The following TMEM59L variants were observed in gnomAD, a reference collection of about 807,000 sequenced individuals.
TMEM59L encodes the protein transmembrane protein 59-like.
A neutral mutation model predicts 39.6 loss-of-function variants in TMEM59L; 31 were observed. The observed-to-expected ratio is 0.78, with a 90% CI of 0.59 to 1.06. The LOEUF is 1.06. TMEM59L is among the 50% of genes least tolerant of loss of function. The probability of loss-of-function intolerance (pLI) is 0.00; values close to 1 mark genes in which losing one functional copy is unlikely to be tolerated. For missense variants in TMEM59L, 441 were observed against 451.3 expected (o/e 0.98, Z 0.21); for synonymous variants, 219 against 202.9 (o/e 1.08, Z -0.68).
chr19:18,617,478 T>A (rs1200291847), intron 5 of TMEM59L: 1 of 466,590 alleles, frequency 2.1e-6, no homozygotes, highest in Admixed American at 2.3e-5. Context: ...CTCCCAGGGA[T>A]CCATGGTTCA....
chr19:18,616,824 G>A (rs1976432959), intron 4 of TMEM59L, among the ~76,000 whole-genome samples, 176 bp from the exon 5 acceptor site: 1 of 152,154 alleles, frequency 6.6e-6, no homozygotes, highest in African/African-American at 2.4e-5. Context: ...TGGGGTTAAG[G>A]CAAATGGAGG....
Position 18,620,428 on chromosome 19 carries a change from C to T in TMEM59L, c.921C>T (p.His307=), listed in dbSNP as rs1976482913. The T allele has an allele frequency of 1.9e-6, 3 of 1,613,114 alleles. No individual in the cohort carries two copies. Among genetic ancestry groups the T allele is most frequent in the Admixed American group, 1.7e-5 (1 of 59,996 alleles). ...TGCAGCCTCTGACCCTGGAGCAGCA[C>T]AAGGGCTTCATGATGGAGCCCGATT... ...LKFQPLTLEQ[H]KGFMMEPDWP... The change falls in exon 8 of 8, where the codon CAC becomes CAT. Residue 307 remains histidine, a synonymous_variant. Coordinates refer to ENST00000262817, the MANE Select transcript of TMEM59L (RefSeq NM_012109.3).
intron 4 of TMEM59L, 117 bp downstream of exon 4, chr19:18,616,244 C>A (rs2145349000): frequency 1.6e-6 from 2 of 1,263,818 alleles, no homozygotes; most frequent in Non-Finnish European, 2.2e-6. Flanking sequence ...GAGCTTCAGG[C>A]ACAGCTGGAT....
rs1367059612 is a variant in TMEM59L, at chr19:18,620,408, C to T, written c.901C>T (p.Pro301Ser). Residue 301 changes from proline to serine, a missense_variant and splice_region_variant, in exon 8 of 8, where the codon CCT becomes TCT. By Grantham distance (74) the Pro-to-Ser change is moderately conservative. Coordinates refer to ENST00000262817, the MANE Select transcript of TMEM59L (RefSeq NM_012109.3). Reference sequence around the variant, plus strand: ...TCCCTCCTCCCCTCTCTTCCTGCAGCCTCTGACCCTGGAGCAGCACAAGGG... The same window carrying T: ...TCCCTCCTCCCCTCTCTTCCTGCAGTCTCTGACCCTGGAGCAGCACAAGGG... Reference protein sequence around the residue: ...TAPGQHLKFQPLTLEQHKGFM... With the variant: ...TAPGQHLKFQSLTLEQHKGFM... 6.2e-7 allele frequency: 1 copy of T among 1,610,752 alleles called. No homozygotes were observed. Among genetic ancestry groups the T allele is most frequent in the Non-Finnish European group, 8.5e-7 (1 of 1,178,626 alleles).
chr19:18,620,526 C>G lies in TMEM59L; in HGVS notation c.1019C>G (p.Thr340Ser), dbSNP rs762672930. 1 of 1,613,526 alleles carries G rather than the reference C, an allele frequency of 6.2e-7. No homozygotes were observed. Among genetic ancestry groups the G allele is most frequent in the Non-Finnish European group, 8.5e-7 (1 of 1,179,940 alleles). Reference sequence around the variant, plus strand: ...CCCTACAAGCTGAAGCTGGACCTGACCAAGCTGTAGGCCTCCACTGGCCCC... The same window carrying G: ...CCCTACAAGCTGAAGCTGGACCTGAGCAAGCTGTAGGCCTCCACTGGCCCC... ...LPPYKLKLDL[T>S]KL Residue 340 changes from threonine to serine, a missense_variant, in exon 8 of 8, where the codon ACC (threonine) becomes AGC (serine). By Grantham distance (58) the Thr-to-Ser change is moderately conservative. Transcript: ENST00000262817.
At position 18,613,055 on chromosome 19, in the gene TMEM59L, GC is replaced by G; in HGVS notation, c.103del (p.Gln35SerfsTer39). ...CGCGCCGTCCGCCCGCGATCCCTTC[GC>G]CCCCCAGCTCGGGGACACGCAGAAC... is the stretch of plus-strand genomic sequence containing the variant. Reference protein sequence around the residue: ...ASAPSARDPFAPQLGDTQNCQ... With the variant: ...ASAPSARDPFXPQLGDTQNCQ... On this transcript the variant is annotated frameshift_variant, in exon 1 of 8. Transcript: ENST00000262817. LOFTEE classifies it high-confidence loss of function. The G allele has an allele frequency of 6.5e-6, 9 of 1,387,380 alleles. No individual in the cohort carries two copies. Among genetic ancestry groups the G allele is most frequent in the South Asian group, 3.2e-5 (2 of 62,904 alleles). The allele number at this position is 1,387,380 out of a possible 1,614,324, so 85.9% of individuals were successfully genotyped here.
At chr19:18,616,676 A>C (rs1976431549) in intron 4 of TMEM59L, among the ~76,000 whole-genome samples, 1 of 152,222 alleles carries the variant, frequency 6.6e-6, no homozygotes, top group Non-Finnish European at 1.5e-5. Flanking sequence ...TACAGGCATG[A>C]GCCACTGCCC....
At chr19:18,620,297 C>T (rs1976480987) in intron 7 of TMEM59L, 111 bp from the exon 8 acceptor site, 3 of 1,162,280 alleles carry the variant, frequency 2.6e-6, no homozygotes, top group Non-Finnish European at 3.5e-6. Context: ...GAGAGACTCT[C>T]TCAAAAAAAG....
chr19:18,613,946 C>T lies in TMEM59L; in HGVS notation c.246C>T (p.Arg82=), dbSNP rs769135949. The part of the protein sequence containing the change: ...VLISACERGC[R]LFSICRFVAR... ...TCAGCGCTTGCGAGCGTGGCTGCCG[C>T]CTCTTCTCCATCTGCCGATTTGTGG... is the stretch of plus-strand genomic sequence containing the variant. Residue 82 remains arginine (R), a synonymous_variant, in exon 2 of 8, where the codon CGC becomes CGT. Transcript: ENST00000262817. The T allele has an allele frequency of 8.7e-6, 14 of 1,613,262 alleles. No individual in the cohort carries two copies. In the Admixed American group the frequency reaches 2.3e-4, roughly 27 times the overall value.
Position 18,618,218 on chromosome 19 carries a change from C to T in TMEM59L, c.728C>T (p.Ala243Val), listed in dbSNP as rs201231250. 3.8e-4 allele frequency: 620 copies of T among 1,611,708 alleles called. 4 individuals carry two copies. In the East Asian group the frequency reaches 0.011, roughly 29 times the overall value. ...AKIRVKTSSK[A>V]KVESEEPQDN... is the part of the protein sequence containing the mutation. ...ATCCGAGTCAAGACCAGCAGCAAGG[C>T]CAAGGTGGAGTCTGAAGAGCCACAG... Residue 243 changes from alanine (A) to valine (V), a missense_variant, in exon 6 of 8, where the codon GCC (alanine) becomes GTC (valine). Ala to Val is a moderately conservative substitution (Grantham distance 64). Coordinates refer to ENST00000262817, the MANE Select transcript of TMEM59L (RefSeq NM_012109.3).
intron 7 of TMEM59L, 52 bp downstream of exon 7, chr19:18,618,544 G>A (rs773238939): frequency 3.3e-5 from 51 of 1,547,812 alleles, no homozygotes; most frequent in Non-Finnish European, 4.5e-5. Context: ...TGAAGGCAGA[G>A]AGAGCTGTTT....
chr19:18,620,423 C>T lies in TMEM59L; in HGVS notation c.916C>T (p.Gln306Ter). The change falls in exon 8 of 8, where the codon CAG becomes TAG. Residue 306 changes from glutamine to a stop codon, truncating the protein, a stop_gained. Coordinates refer to ENST00000262817, the MANE Select transcript of TMEM59L (RefSeq NM_012109.3). LOFTEE classifies it high-confidence loss of function. ...CTTCCTGCAGCCTCTGACCCTGGAGCAGCACAAGGGCTTCATGATGGAGCC... is the reference window on the plus strand; with the variant it reads ...CTTCCTGCAGCCTCTGACCCTGGAGTAGCACAAGGGCTTCATGATGGAGCC... ...HLKFQPLTLEQHKGFMMEPDW... is the reference protein window; with the variant it reads ...HLKFQPLTLE 6.2e-7 allele frequency: 1 copy of T among 1,612,688 alleles called. No individual in the cohort carries two copies. The highest frequency in any genetic ancestry group is 8.5e-7 in the Non-Finnish European group (1 of 1,179,652).
At position 18,618,476 on chromosome 19, in the gene TMEM59L, A is replaced by G. The variant is rs751455728; in HGVS notation, c.884A>G (p.Gln295Arg). Reference sequence around the variant, plus strand: ...TCCACCCTGGTGACCGCGCCTGGCCAGCACCTCAAGTTCCAGGTGGGTGGG... The same window carrying G: ...TCCACCCTGGTGACCGCGCCTGGCCGGCACCTCAAGTTCCAGGTGGGTGGG... ...SCSTLVTAPG[Q>R]HLKFQPLTLE... Residue 295 changes from glutamine (Q) to arginine (R), a missense_variant, in exon 7 of 8, where the codon CAG becomes CGG. By Grantham distance (43) the Gln-to-Arg change is conservative. Transcript: ENST00000262817. 6.9e-6 allele frequency: 11 copies of G among 1,603,028 alleles called. No homozygotes were observed. The highest frequency in any genetic ancestry group is 9.3e-6 in the Non-Finnish European group (11 of 1,177,304).
chr19:18,613,732 C>G (rs963398583), intron 1 of TMEM59L, 140 bp from the exon 2 acceptor site: 2 of 658,130 alleles, frequency 3.0e-6, no homozygotes, highest in Non-Finnish European at 5.2e-6. Context: ...TATTTGTAGC[C>G]TCTCCCAACT....
intron 5 of TMEM59L, chr19:18,617,860 T>C: frequency 2.1e-6 from 1 of 468,198 alleles, no homozygotes; most frequent in East Asian, 4.5e-5. Context: ...GTTCATCTTC[T>C]AGGGTCATCT....
At chr19:18,617,845 C>T in intron 5 of TMEM59L, 1 of 443,710 alleles carries the variant, frequency 2.3e-6, no homozygotes, top group South Asian at 2.1e-5. Context: ...CCCAGGGTTC[C>T]ATGGGTTCAT....
At position 18,615,972 on chromosome 19, in the gene TMEM59L, C is replaced by G. The variant is rs1338823039; in HGVS notation, c.409-3C>G. 1 of 1,611,456 alleles carries G rather than the reference C, an allele frequency of 6.2e-7. No individual in the cohort carries two copies. Among genetic ancestry groups the G allele is most frequent in the Non-Finnish European group, 8.5e-7 (1 of 1,178,944 alleles). On this transcript the variant is annotated splice_region_variant and splice_polypyrimidine_tract_variant and intron_variant, in intron 3 of 7. Transcript: ENST00000262817. ...CTTTGTGTCTTGGACCTTTTTTCAC[C>G]AGAGAAAGGTCCTGGAGGCTCCAAG...
chr19:18,618,991 G>A (rs1029871073), intron 7 of TMEM59L, among the ~76,000 whole-genome samples: 5 of 150,908 alleles, frequency 3.3e-5, no homozygotes, highest in African/African-American at 4.9e-5. Flanking sequence ...CACCGCGCCC[G>A]GCCTATATAT....
In TMEM59L at chr19:18,617,307, G is replaced by C. The variant is rs866816122; in HGVS notation, c.664+205G>C. The C allele has an allele frequency of 7.6e-6, 5 of 662,020 alleles. No homozygotes were observed. In the East Asian group the frequency reaches 8.7e-5, roughly 12 times the overall value. The allele number at this position is 662,020 out of a possible 1,614,324, so 41.0% of individuals were successfully genotyped here. On this transcript the variant is annotated intron_variant, in intron 5 of 7. Coordinates refer to ENST00000262817, the MANE Select transcript of TMEM59L (RefSeq NM_012109.3). ...TCCATGGTCCACTTCTCAGGGTTCC[G>C]TGGTCTACTTCCCAGGGTTCCGTGG... is the stretch of plus-strand genomic sequence containing the variant.
Sources: gnomAD v4.1 joint callset for allele counts (sites outside exome capture counted in the v4.1 genomes callset) on GRCh38, gnomAD v4.1.1 for gene constraint, MANE v1.5 for transcripts, NCBI Gene and HGNC (gene_info 2026-07-23, HGNC 2026-07-21) for gene names.